MECOM: variants seen among roughly 807,000 people sequenced by gnomAD.
The protein encoded by MECOM is histone-lysine N-methyltransferase MECOM.
MECOM carries 13 observed loss-of-function variants against 116.3 expected under a neutral mutation model. That is an observed-to-expected ratio of 0.11 (90% CI 0.07 to 0.18). MECOM has a LOEUF of 0.18. MECOM is among the 10% of genes least tolerant of loss of function. The pLI, the probability that MECOM is intolerant of heterozygous loss-of-function variation, is 1.00. For missense variants in MECOM, 1,299 were observed against 1,509.0 expected, an observed-to-expected ratio of 0.86 and a Z score of 2.31; for synonymous variants, 528 against 535.2, an observed-to-expected ratio of 0.99 and a Z score of 0.19.
chr3:169,158,131 A>T (rs1480422553), intron 2 of MECOM, among the ~76,000 whole-genome samples: 1 of 152,208 alleles, frequency 6.6e-6, no homozygotes, highest in African/African-American at 2.4e-5. Context: ...TTGATTAATT[A>T]AATTTAAATG....
chr3:169,234,793 C>T (rs1050875779), intron 2 of MECOM, among the ~76,000 whole-genome samples: 1 of 152,140 alleles, frequency 6.6e-6, no homozygotes, highest in Non-Finnish European at 1.5e-5. Context: ...CTTTTTTTGA[C>T]AATACCATCT....
chr3:169,587,938 C>T (rs1312526488), intron 1 of MECOM, among the ~76,000 whole-genome samples: 1 of 152,034 alleles, frequency 6.6e-6, no homozygotes, highest in Non-Finnish European at 1.5e-5. Context: ...AGGATCAGAT[C>T]CAGAATTAGC....
chr3:169,224,179 C>T lies in MECOM; in HGVS notation c.376-80347G>A, dbSNP rs187467740. The stretch of plus-strand genomic sequence containing the variant: ...AAATAATCTGAGAGGAGATAGAGAA[C>T]GTCAGCTCCTGCTGGGCCCATTTCA... On this transcript the variant is annotated intron_variant, in intron 2 of 16. Coordinates refer to ENST00000651503, the MANE Select transcript of MECOM (RefSeq NM_004991.4). 1.6e-4 allele frequency among the ~76,000 whole-genome samples: 25 copies of T among 152,214 alleles called. No homozygotes were observed. The East Asian group carries it at 3.7e-3, about 22-fold the overall frequency.
At chr3:169,498,648 T>C (rs934491309) in intron 1 of MECOM, among the ~76,000 whole-genome samples, 2 of 152,198 alleles carry the variant, frequency 1.3e-5, no homozygotes. Flanking sequence ...ACTGCTGAAT[T>C]ACCATACAGG....
At chr3:169,594,658 G>A (rs1560473437) in intron 1 of MECOM, among the ~76,000 whole-genome samples, 1 of 151,664 alleles carries the variant, frequency 6.6e-6, no homozygotes, top group East Asian at 1.9e-4. Context: ...GGCAGGCTGA[G>A]CAAGGGAGAT....
chr3:169,108,296 G>A (rs1231308247), intron 9 of MECOM, among the ~76,000 whole-genome samples: 1 of 151,952 alleles, frequency 6.6e-6, no homozygotes, highest in Non-Finnish European at 1.5e-5. Flanking sequence ...CTAAAAATTA[G>A]GCCATTTCCT....
At chr3:169,208,254 C>T (rs1030634628) in intron 2 of MECOM, among the ~76,000 whole-genome samples, 1 of 147,410 alleles carries the variant, frequency 6.8e-6, no homozygotes, top group Non-Finnish European at 1.5e-5. Context: ...TGTAAATATA[C>T]AATATATAAT....
intron 2 of MECOM, among the ~76,000 whole-genome samples, chr3:169,379,250 G>T (rs1048309325): frequency 6.6e-6 from 1 of 151,674 alleles, no homozygotes; most frequent in African/African-American, 2.4e-5. Context: ...CATTTCTTTG[G>T]TTTTTTTATA....
At chr3:169,478,010 T>G (rs1475426172) in intron 1 of MECOM, among the ~76,000 whole-genome samples, 1 of 152,032 alleles carries the variant, frequency 6.6e-6, no homozygotes, top group Admixed American at 6.5e-5. Context: ...ATAATTAAGG[T>G]GTATTATTTG....
At chr3:169,312,424 A>G (rs1468405953) in intron 2 of MECOM, among the ~76,000 whole-genome samples, 4 of 138,574 alleles carry the variant, frequency 2.9e-5, no homozygotes, top group African/African-American at 5.5e-5. Context: ...GCTGGAGTGC[A>G]GTGGCGCGAT....
chr3:169,105,152 C>T (rs1227155645), intron 10 of MECOM, among the ~76,000 whole-genome samples: 1 of 152,118 alleles, frequency 6.6e-6, no homozygotes, highest in East Asian at 1.9e-4. Flanking sequence ...TAAAAGCCTT[C>T]GTTGAATCCT....
chr3:169,229,865 T>C (rs1753168460), intron 2 of MECOM, among the ~76,000 whole-genome samples: 1 of 152,158 alleles, frequency 6.6e-6, no homozygotes, highest in African/African-American at 2.4e-5. Flanking sequence ...TTTTTTCATG[T>C]CATAATATAA....
At chr3:169,183,471 C>A (rs1463274599) in intron 2 of MECOM, among the ~76,000 whole-genome samples, 1 of 152,166 alleles carries the variant, frequency 6.6e-6, no homozygotes, top group African/African-American at 2.4e-5. Context: ...CCAACCTGCA[C>A]TTGACTTTTA....
intron 2 of MECOM, among the ~76,000 whole-genome samples, chr3:169,324,782 G>A (rs763572578): frequency 2.6e-5 from 4 of 152,300 alleles, no homozygotes; most frequent in East Asian, 1.9e-4. Flanking sequence ...GGCTAATGCC[G>A]TTAACGCAGT....
intron 1 of MECOM, among the ~76,000 whole-genome samples, chr3:169,566,796 C>T (rs1763300434): frequency 6.6e-6 from 1 of 152,222 alleles, no homozygotes; most frequent in Non-Finnish European, 1.5e-5. Flanking sequence ...CTCGTCTGCC[C>T]ACCTATGCAG....
intron 2 of MECOM, among the ~76,000 whole-genome samples, chr3:169,221,941 G>A (rs1752189895): frequency 6.6e-6 from 1 of 151,832 alleles, no homozygotes; most frequent in Non-Finnish European, 1.5e-5. Context: ...ATACCTGAAG[G>A]AAATGCTTTT....
intron 1 of MECOM, among the ~76,000 whole-genome samples, chr3:169,529,552 C>T (rs1758344157): frequency 6.6e-6 from 1 of 152,196 alleles, no homozygotes; most frequent in Non-Finnish European, 1.5e-5. Flanking sequence ...AGTTTGACAT[C>T]CCCACTCCCC....
At chr3:169,170,592 C>G (rs1443200776) in intron 2 of MECOM, among the ~76,000 whole-genome samples, 2 of 151,976 alleles carry the variant, frequency 1.3e-5, no homozygotes, top group East Asian at 1.9e-4. Context: ...CCATTCAACA[C>G]AAAGTGGCTA....
rs1560341417 is a variant in MECOM at position 169,486,008 on chromosome 3, A to ATATATATGTATATATATAC, written c.38-104485_38-104484insGTATATATATACATATATA. On this transcript the variant is annotated intron_variant, in intron 1 of 16. Transcript: ENST00000651503. ...TAGTATATATATGTATATATATACT[A>ATATATATGTATATATATAC]TATATATATGTATATATAGTATATA... Among the ~76,000 whole-genome samples, 200 of 36,476 alleles carry ATATATATGTATATATATAC rather than the reference A, an allele frequency of 5.5e-3. 4 individuals are homozygous for ATATATATGTATATATATAC. Among genetic ancestry groups the ATATATATGTATATATATAC allele is most frequent in the Admixed American group, 0.041 (148 of 3,638 alleles). 23.9% of individuals were successfully genotyped at this position (36,476 alleles called of 152,430 possible).
Sources: allele counts gnomAD v4.1 joint callset (sites outside exome capture counted in the v4.1 genomes callset), GRCh38; gene constraint gnomAD v4.1.1; transcripts MANE v1.5; gene names NCBI Gene and HGNC (gene_info 2026-07-23, HGNC 2026-07-21).